The following CAPN7 variants were observed in gnomAD, a reference collection of about 807,000 sequenced individuals.
CAPN7 encodes calpain-7.
A neutral mutation model predicts 115.2 loss-of-function variants in CAPN7; 72 were observed. That is an observed-to-expected ratio of 0.63 (90% CI 0.52 to 0.76). CAPN7 has a LOEUF of 0.76. Among genes scored for constraint, CAPN7 ranks in the 30% least tolerant of loss-of-function variants. The pLI, the probability that CAPN7 is intolerant of heterozygous loss-of-function variation, is 0.00. For missense variants in CAPN7, 905 were observed against 971.5 expected (o/e 0.93, Z 0.91); for synonymous variants, 344 against 322.3 (o/e 1.07, Z -0.72).
At chr3:15,243,163 C>A (rs1258725172) in intron 16 of CAPN7, among the ~76,000 whole-genome samples, 1 of 152,136 alleles carries the variant, frequency 6.6e-6, no homozygotes, top group Non-Finnish European at 1.5e-5. Flanking sequence ...GAGGGAACAG[C>A]AAGTACAAGG....
At chr3:15,207,614 ATCTT>A (rs1207268473) in intron 1 of CAPN7, among the ~76,000 whole-genome samples, 1 of 150,688 alleles carries the variant, frequency 6.6e-6, no homozygotes, top group Non-Finnish European at 1.5e-5. Context: ...TTTTCTTTAT[ATCTT>A]TATTTGGTAA....
intron 8 of CAPN7, among the ~76,000 whole-genome samples, chr3:15,229,595 CAAAG>C (rs1407883359): frequency 1.9e-5 from 1 of 52,080 alleles, no homozygotes; most frequent in African/African-American, 7.8e-5. Flanking sequence ...TTTTTGGAGA[CAAAG>C]AATTTCGCTC....
intron 2 of CAPN7, among the ~76,000 whole-genome samples, chr3:15,213,892 T>C (rs1298949325): frequency 6.6e-6 from 1 of 151,708 alleles, no homozygotes; most frequent in Admixed American, 6.6e-5. Flanking sequence ...TTTTTTTTTT[T>C]TTTTTGAGGT....
At chr3:15,220,099 G>A (rs1693878332) in intron 4 of CAPN7, among the ~76,000 whole-genome samples, 1 of 152,092 alleles carries the variant, frequency 6.6e-6, no homozygotes. Flanking sequence ...TACTCAGAAG[G>A]CTGAGGCAGG....
chr3:15,239,645 TAAAA>T (rs923676285), intron 12 of CAPN7, among the ~76,000 whole-genome samples: 3 of 152,280 alleles, frequency 2.0e-5, no homozygotes, highest in African/African-American at 7.2e-5. Flanking sequence ...TCAAAGTAAT[TAAAA>T]GAAAGAAATT....
chr3:15,231,570 C>G (rs772888584), intron 9 of CAPN7, among the ~76,000 whole-genome samples: 4 of 151,694 alleles, frequency 2.6e-5, no homozygotes, highest in Admixed American at 6.6e-5. Flanking sequence ...CACTCTGTCA[C>G]CCAGGCTGGA....
intron 5 of CAPN7, among the ~76,000 whole-genome samples, chr3:15,223,217 C>G (rs900109171): frequency 1.2e-4 from 19 of 152,168 alleles, no homozygotes; most frequent in African/African-American, 4.6e-4. Context: ...AGGACACTTT[C>G]ATTACCTCTT....
chr3:15,235,481 T>C (rs1575217343), intron 12 of CAPN7, among the ~76,000 whole-genome samples: 1 of 152,082 alleles, frequency 6.6e-6, no homozygotes, highest in East Asian at 1.9e-4. Flanking sequence ...AGTGTTAAGC[T>C]CTAAAGCAGT....
At chr3:15,225,631 T>A (rs1040907224) in intron 6 of CAPN7, among the ~76,000 whole-genome samples, 18 of 152,240 alleles carry the variant, frequency 1.2e-4, no homozygotes, top group African/African-American at 4.1e-4. Context: ...GTTGGAATTT[T>A]TCTTTTTTTT....
At chr3:15,238,108 C>T (rs1365043232) in intron 12 of CAPN7, among the ~76,000 whole-genome samples, 26 of 58,202 alleles carry the variant, frequency 4.5e-4, no homozygotes, top group African/African-American at 1.5e-3. Flanking sequence ...ATTCTGACTT[C>T]TTTTTTTTTT....
chr3:15,229,228 A>G (rs1406264534), intron 8 of CAPN7, among the ~76,000 whole-genome samples, 169 bp downstream of exon 8: 3 of 152,248 alleles, frequency 2.0e-5, no homozygotes, highest in Non-Finnish European at 4.4e-5. Context: ...ACGCTAAAAC[A>G]GTCTTAAGAA....
intron 8 of CAPN7, 139 bp downstream of exon 8, chr3:15,229,198 A>T (rs1298039543): frequency 1.6e-6 from 1 of 628,868 alleles, no homozygotes; most frequent in African/African-American, 1.8e-5. Flanking sequence ...TAAGCAGATG[A>T]TTTATGAATG....
chr3:15,234,593 T>G (rs1694880150), intron 11 of CAPN7, among the ~76,000 whole-genome samples: 1 of 152,168 alleles, frequency 6.6e-6, no homozygotes, highest in African/African-American at 2.4e-5. Context: ...AAGAGAAGTC[T>G]GAGAAGTTAA....
At chr3:15,217,857 T>G (rs1693731299) in intron 3 of CAPN7, among the ~76,000 whole-genome samples, 1 of 152,224 alleles carries the variant, frequency 6.6e-6, no homozygotes, top group Non-Finnish European at 1.5e-5. Flanking sequence ...CAGAATTCAT[T>G]ATCACAAATC....
intron 1 of CAPN7, among the ~76,000 whole-genome samples, chr3:15,209,589 A>G (rs958570582): frequency 2.6e-5 from 4 of 152,212 alleles, no homozygotes; most frequent in South Asian, 2.1e-4. Flanking sequence ...GTCTCATTCT[A>G]TTATAATCTG....
Position 15,206,545 on chromosome 3 carries a change from C to T in CAPN7, c.50C>T (p.Ala17Val). Residue 17 changes from alanine to valine, a missense_variant, in exon 1 of 21, where the codon GCG becomes GTG. Ala to Val is a moderately conservative substitution (Grantham distance 64). Coordinates refer to ENST00000253693, the MANE Select transcript of CAPN7 (RefSeq NM_014296.3). ...GACGCTGTGCAGTTCGCCCGTCTGG[C>T]GGTTCAGCGCGACCACGAAGGCCGC... The part of the protein sequence containing the change: ...ERDAVQFARL[A>V]VQRDHEGRYS... 1 of 1,556,320 alleles carries T rather than the reference C, an allele frequency of 6.4e-7. No homozygotes were observed. The highest frequency in any genetic ancestry group is 1.7e-4 in the Middle Eastern group (1 of 5,782).
chr3:15,229,679 G>A (rs1049996679), intron 8 of CAPN7, among the ~76,000 whole-genome samples: 5 of 145,354 alleles, frequency 3.4e-5, no homozygotes, highest in East Asian at 2.1e-4. Flanking sequence ...GGGTTCAAGC[G>A]ATTCTCCTGC....
chr3:15,239,423 A>G (rs1369204341), intron 12 of CAPN7, among the ~76,000 whole-genome samples: 2 of 152,222 alleles, frequency 1.3e-5, no homozygotes, highest in Non-Finnish European at 2.9e-5. Flanking sequence ...TTCTGTAGAC[A>G]TGCCTGGTAT....
At chr3:15,210,996 A>G in intron 1 of CAPN7, 1 of 1,045,732 alleles carries the variant, frequency 9.6e-7, no homozygotes, top group East Asian at 8.7e-5. Context: ...AATGGTGATG[A>G]GGAGAATGGA....
Sources: allele counts gnomAD v4.1 joint callset (sites outside exome capture counted in the v4.1 genomes callset), GRCh38; gene constraint gnomAD v4.1.1; transcripts MANE v1.5; gene names NCBI Gene and HGNC (gene_info 2026-07-23, HGNC 2026-07-21).